SLC31A2: variants seen among roughly 807,000 people sequenced by gnomAD.
The protein encoded by SLC31A2 is protein SLC31A2.
In SLC31A2, 16 loss-of-function variants were observed where a neutral mutation model predicts 14.4. That is an observed-to-expected ratio of 1.11 (90% CI 0.75 to 1.69). The LOEUF is 1.69. Among genes scored for constraint, SLC31A2 ranks in the 40% most tolerant of loss-of-function variants. The pLI, the probability that SLC31A2 is intolerant of heterozygous loss-of-function variation, is 0.00. For missense variants in SLC31A2, 140 were observed against 173.9 expected, an observed-to-expected ratio of 0.81 and a Z score of 1.10; for synonymous variants, 56 against 68.7, an observed-to-expected ratio of 0.82 and a Z score of 0.91.
In SLC31A2 at chr9:113,151,036, G is replaced by A. The variant is rs1335400400; in HGVS notation, c.-39G>A. On this transcript the variant is annotated 5_prime_UTR_variant, in exon 1 of 4. Coordinates refer to ENST00000259392, the MANE Select transcript of SLC31A2 (RefSeq NM_001860.3). The surrounding 1 kb of genome is among the most constrained non-coding windows in gnomAD (Gnocchi z 4.2). Reference sequence around the variant, plus strand: ...TGACTCGGAGCGAGGAGACCCGAGCGAGCAGACGCGGCCCTGGCGCCCGCC... The same window carrying A: ...TGACTCGGAGCGAGGAGACCCGAGCAAGCAGACGCGGCCCTGGCGCCCGCC... 1.6e-5 allele frequency: 21 copies of A among 1,300,820 alleles called. No individual in the cohort carries two copies. Among genetic ancestry groups the A allele is most frequent in the Non-Finnish European group, 1.8e-5 (18 of 1,018,782 alleles). 80.6% of individuals were successfully genotyped at this position (1,300,820 alleles called of 1,614,324 possible).
chr9:113,158,417 G>A (rs1829962203), intron 2 of SLC31A2, among the ~76,000 whole-genome samples: 1 of 152,172 alleles, frequency 6.6e-6, no homozygotes. Flanking sequence ...GTTATCTATT[G>A]CTGAATAAAC....
chr9:113,154,787 T>G (rs1829913836), intron 1 of SLC31A2, among the ~76,000 whole-genome samples: 1 of 152,202 alleles, frequency 6.6e-6, no homozygotes, highest in Non-Finnish European at 1.5e-5. Context: ...CTCTTTGCCT[T>G]TTCATCCTGT....
chr9:113,155,895 T>A (rs1587939665), intron 1 of SLC31A2: 2 of 334,280 alleles, frequency 6.0e-6, no homozygotes, highest in Non-Finnish European at 6.2e-6. Flanking sequence ...GAGGCCCTGG[T>A]TAACAAATGT....
intron 3 of SLC31A2, chr9:113,162,328 G>C: frequency 4.6e-6 from 1 of 215,226 alleles, no homozygotes; most frequent in Non-Finnish European, 9.2e-6. Context: ...ATTTGTCTAG[G>C]CCACTTTTAG....
In SLC31A2 at chr9:113,151,798, C is replaced by T. The variant is rs938640855; in HGVS notation, c.6+718C>T. 2.6e-5 allele frequency: 4 copies of T among 152,030 alleles called. No individual in the cohort carries two copies. Among genetic ancestry groups the T allele is most frequent in the Non-Finnish European group, 5.9e-5 (4 of 67,996 alleles). The allele number at this position is 152,030 out of a possible 1,614,324, so 9.4% of individuals were successfully genotyped here. A position where few individuals can be genotyped will look rare whatever the true frequency, so the allele number is the denominator to read the frequency against. On this transcript the variant is annotated intron_variant, in intron 1 of 3. Transcript: ENST00000259392. The surrounding 1 kb of genome is among the most constrained non-coding windows in gnomAD (Gnocchi z 4.2). ...GCAACATAGCTAGACCCCGTCTCTA[C>T]AAAAATTAGCCACAAGTGGTGGCAG...
At chr9:113,159,130 A>C (rs1025879867) in intron 2 of SLC31A2, among the ~76,000 whole-genome samples, 1 of 152,072 alleles carries the variant, frequency 6.6e-6, no homozygotes, top group Non-Finnish European at 1.5e-5. Flanking sequence ...GGGTGGGAAG[A>C]AAACTGATCT....
rs865859106 is a variant in SLC31A2, at chr9:113,163,885, T to C, written c.*968T>C. The C allele has an allele frequency of 6.8e-6, 1 of 146,446 alleles. No homozygotes were observed. The highest frequency in any genetic ancestry group is 1.5e-5 in the Non-Finnish European group (1 of 66,868). The allele number at this position is 146,446 out of a possible 1,614,324, so 9.1% of individuals were successfully genotyped here. A position where few individuals can be genotyped will look rare whatever the true frequency, so the allele number is the denominator to read the frequency against. ...CTCGTAATGATCTAGTGGGGAAACA[T>C]GATTCATTCACTTAAAATACTGATT... On this transcript the variant is annotated 3_prime_UTR_variant, in exon 4 of 4. Transcript: ENST00000259392.
chr9:113,159,527 A>G (rs1422243664), intron 2 of SLC31A2, among the ~76,000 whole-genome samples: 3 of 152,186 alleles, frequency 2.0e-5, no homozygotes, highest in Non-Finnish European at 1.5e-5. Context: ...TGCATCTGTC[A>G]GATGATTTCC....
At position 113,161,566 on chromosome 9, in the gene SLC31A2, A is replaced by G. The variant is rs763072011; in HGVS notation, c.131A>G (p.Lys44Arg). The G allele has an allele frequency of 1.2e-6, 2 of 1,614,030 alleles. No homozygotes were observed. The highest frequency in any genetic ancestry group is 8.5e-7 in the Non-Finnish European group (1 of 1,179,892). The part of the protein sequence containing the change: ...LLLAVLYEGI[K>R]VGKAKLLNQV... ...CTGGCTGTACTGTATGAAGGCATCA[A>G]GGTTGGCAAAGCCAAGCTGCTCAAC... The change falls in exon 3 of 4, where the codon AAG becomes AGG. Residue 44 changes from lysine to arginine, a missense_variant. Transcript: ENST00000259392.
At chr9:113,159,022 C>T (rs570799228) in intron 2 of SLC31A2, among the ~76,000 whole-genome samples, 6 of 152,160 alleles carry the variant, frequency 3.9e-5, no homozygotes, top group Non-Finnish European at 8.8e-5. Flanking sequence ...AAACAGTATG[C>T]GTAGATAGGA....
chr9:113,155,209 C>T (rs1394945656), intron 1 of SLC31A2, among the ~76,000 whole-genome samples: 1 of 152,192 alleles, frequency 6.6e-6, no homozygotes, highest in Non-Finnish European at 1.5e-5. Context: ...CCTGATGCTG[C>T]CACCAACTCA....
Position 113,163,080 on chromosome 9 carries a change from A to C in SLC31A2, c.*163A>C, listed in dbSNP as rs556977873. On this transcript the variant is annotated 3_prime_UTR_variant, in exon 4 of 4. Transcript: ENST00000259392. ...CAGCACTTGCTCCCTGGAGTTCGGA[A>C]GCCATTGCAGCAACCTTCCTTCTCA... 1.7e-6 allele frequency: 1 copy of C among 604,326 alleles called. No individual in the cohort carries two copies. The highest frequency in any genetic ancestry group is 2.7e-6 in the Non-Finnish European group (1 of 367,822). The allele number at this position is 604,326 out of a possible 1,614,324, so 37.4% of individuals were successfully genotyped here. A position where few individuals can be genotyped will look rare whatever the true frequency, so the allele number is the denominator to read the frequency against.
chr9:113,155,423 T>C (rs530774048), intron 1 of SLC31A2, among the ~76,000 whole-genome samples: 25 of 152,338 alleles, frequency 1.6e-4, no homozygotes, highest in Non-Finnish European at 2.8e-4. Flanking sequence ...AATTCCCCTC[T>C]TGAAATTGAG....
At chr9:113,161,253 T>C (rs2118836513) in intron 2 of SLC31A2, 1 of 466,570 alleles carries the variant, frequency 2.1e-6, no homozygotes, top group East Asian at 3.9e-5. Flanking sequence ...GCTGGGGGAG[T>C]GGGTGGGGTA....
At chr9:113,155,323 C>T (rs868528109) in intron 1 of SLC31A2, among the ~76,000 whole-genome samples, 7 of 152,220 alleles carry the variant, frequency 4.6e-5, no homozygotes, top group Admixed American at 1.3e-4. Flanking sequence ...AACCAGCCCA[C>T]CCAGGCAAAA....
chr9:113,158,119 A>G, intron 2 of SLC31A2: 1 of 492,328 alleles, frequency 2.0e-6, no homozygotes, highest in Non-Finnish European at 4.1e-6. Context: ...CAGAGCCACT[A>G]CTAGATCAAG....
chr9:113,154,576 C>G (rs186500325), intron 1 of SLC31A2, among the ~76,000 whole-genome samples: 2 of 152,352 alleles, frequency 1.3e-5, no homozygotes, highest in African/African-American at 4.8e-5. Context: ...GCCCAGGAAT[C>G]TGTACTTTTA....
chr9:113,153,757 G>A (rs1294009350), intron 1 of SLC31A2, among the ~76,000 whole-genome samples: 1 of 152,142 alleles, frequency 6.6e-6, no homozygotes, highest in Non-Finnish European at 1.5e-5. Flanking sequence ...CAGCTCCACG[G>A]TCTCCAGTGA....
intron 2 of SLC31A2, 58 bp from the exon 3 acceptor site, chr9:113,161,451 C>G: frequency 6.6e-7 from 1 of 1,505,484 alleles, no homozygotes; most frequent in Non-Finnish European, 9.2e-7. Context: ...GGTGGAGGTG[C>G]TGGAAGGGAA....
Sources: gnomAD v4.1 joint callset for allele counts (sites outside exome capture counted in the v4.1 genomes callset) on GRCh38, gnomAD v4.1.1 for gene constraint, Gnocchi (gnomAD v3.1) non-coding constraint, MANE v1.5 for transcripts, NCBI Gene and HGNC (gene_info 2026-07-23, HGNC 2026-07-21) for gene names.